Variants in RAD54L2 observed in about 807,000 individuals in gnomAD.
RAD54L2 encodes helicase ARIP4.
Under a neutral mutation model 138.4 loss-of-function variants are expected in RAD54L2, and 27 were observed. The observed-to-expected ratio is 0.20, with a 90% CI of 0.14 to 0.27. The LOEUF (loss-of-function observed/expected upper bound fraction) is 0.27. Ranked by LOEUF, RAD54L2 falls within the 10% of genes least tolerant of loss-of-function variation. The pLI is 1.00. For missense variants in RAD54L2, 1,396 were observed against 1,890.2 expected, an observed-to-expected ratio of 0.74 and a Z score of 4.85; for synonymous variants, 644 against 723.2, an observed-to-expected ratio of 0.89 and a Z score of 1.76.
rs1383445768 is a variant in RAD54L2 at position 51,629,488 on chromosome 3, T to A, written c.481+15T>A. The A allele has an allele frequency of 1.2e-6, 2 of 1,610,968 alleles. No homozygotes were observed. The highest frequency in any genetic ancestry group is 1.7e-6 in the Non-Finnish European group (2 of 1,178,792). Reference sequence around the variant, plus strand: ...GTTCCTCCCTGGTAAGCAGTGGACATGGCAGGGAAGGCCCTTTGCTTCAGG... The same window carrying A: ...GTTCCTCCCTGGTAAGCAGTGGACAAGGCAGGGAAGGCCCTTTGCTTCAGG... On this transcript the variant is annotated intron_variant, in intron 5 of 22. Coordinates refer to ENST00000684192, the MANE Select transcript of RAD54L2 (RefSeq NM_015106.4).
intron 2 of RAD54L2, among the ~76,000 whole-genome samples, chr3:51,580,882 A>C (rs371847095): frequency 2.0e-4 from 30 of 152,282 alleles, no homozygotes; most frequent in East Asian, 1.9e-3. Flanking sequence ...TAACCATCCA[A>C]ATGCAATAAT....
chr3:51,591,882 T>C (rs137858253), intron 3 of RAD54L2, among the ~76,000 whole-genome samples: 27 of 152,234 alleles, frequency 1.8e-4, no homozygotes, highest in African/African-American at 5.8e-4. Context: ...ATACACACTA[T>C]CTTCCCTGTT....
In RAD54L2 at chr3:51,638,493, A is replaced by G. The variant is rs1701046222; in HGVS notation, c.1860+172A>G. ...CCAAGGAGAGAGGTGATGGTTTTGT[A>G]CCACATAACTCCTGGGGGTGCCATT... On this transcript the variant is annotated intron_variant, in intron 12 of 22. Transcript: ENST00000684192. This position sits in a 1 kb window ranked among gnomAD's most constrained non-coding sequence, Gnocchi z 4.3. 1.4e-6 allele frequency: 1 copy of G among 711,068 alleles called. No individual in the cohort carries two copies. Among genetic ancestry groups the G allele is most frequent in the Non-Finnish European group, 2.3e-6 (1 of 438,236 alleles). 44.0% of individuals were successfully genotyped at this position (711,068 alleles called of 1,614,324 possible). A position where few individuals can be genotyped will look rare whatever the true frequency, so the allele number is the denominator to read the frequency against.
intron 2 of RAD54L2, among the ~76,000 whole-genome samples, chr3:51,569,457 T>C (rs1699288205): frequency 6.6e-6 from 1 of 151,796 alleles, no homozygotes; most frequent in Admixed American, 6.6e-5. Flanking sequence ...GATCTCAGCT[T>C]ACTGCAGCCT....
chr3:51,570,976 C>T (rs575439198), intron 2 of RAD54L2, among the ~76,000 whole-genome samples: 3 of 152,084 alleles, frequency 2.0e-5, no homozygotes, highest in South Asian at 2.1e-4. Context: ...TGCCTGCCAC[C>T]GTGCCTGGCT....
chr3:51,546,378 C>T (rs1422272037), intron 2 of RAD54L2, among the ~76,000 whole-genome samples: 2 of 152,072 alleles, frequency 1.3e-5, no homozygotes, highest in East Asian at 3.9e-4. Flanking sequence ...CTGTGGCTCA[C>T]GCCTGTAATC....
At chr3:51,584,844 T>C (rs1018847987) in intron 2 of RAD54L2, among the ~76,000 whole-genome samples, 2 of 152,004 alleles carry the variant, frequency 1.3e-5, no homozygotes, top group Admixed American at 1.3e-4. Context: ...CTGGCTCTGT[T>C]ACCTAGGCTG....
chr3:51,608,537 G>GT (rs1700256436), intron 3 of RAD54L2, among the ~76,000 whole-genome samples: 1 of 152,176 alleles, frequency 6.6e-6, no homozygotes, highest in Non-Finnish European at 1.5e-5. Context: ...CCTGGGCAAC[G>GT]TTGAGCACTG....
rs919751868 is a variant in RAD54L2, at chr3:51,662,703, T to C, written c.3687T>C (p.His1229=). The change falls in exon 23 of 23, where the codon CAT becomes CAC. Residue 1229 remains histidine (H), a synonymous_variant. Transcript: ENST00000684192. The surrounding 1 kb of genome is among the most constrained non-coding windows in gnomAD (Gnocchi z 4.6). ...ALGTEPRLGG[H]CLNSSLLVTG... is the part of the protein sequence containing the mutation. The stretch of plus-strand genomic sequence containing the variant: ...GAACTGAGCCTCGACTAGGGGGTCA[T>C]TGCCTCAATAGTTCCCTCTTGGTGA... The C allele has an allele frequency of 1.2e-6, 2 of 1,613,832 alleles. No individual in the cohort carries two copies. Among genetic ancestry groups the C allele is most frequent in the Admixed American group, 1.7e-5 (1 of 59,990 alleles).
intron 2 of RAD54L2, among the ~76,000 whole-genome samples, chr3:51,568,551 A>T (rs1407040018): frequency 6.6e-6 from 1 of 152,190 alleles, no homozygotes; most frequent in Non-Finnish European, 1.5e-5. Context: ...TCAACTAGAT[A>T]GTCTGAGACA....
At chr3:51,618,084 G>A (rs1326601864) in intron 3 of RAD54L2, among the ~76,000 whole-genome samples, 1 of 151,088 alleles carries the variant, frequency 6.6e-6, no homozygotes, top group Non-Finnish European at 1.5e-5. Context: ...TCATCCTCCG[G>A]AGTAGCTGGG....
intron 2 of RAD54L2, among the ~76,000 whole-genome samples, chr3:51,545,497 T>A (rs1553672087): frequency 6.6e-6 from 1 of 152,142 alleles, no homozygotes; most frequent in Non-Finnish European, 1.5e-5. Context: ...GCCACCCTCC[T>A]GGATCTTGGT....
At chr3:51,653,663 C>G (rs906745649) in intron 19 of RAD54L2, among the ~76,000 whole-genome samples, 1 of 152,120 alleles carries the variant, frequency 6.6e-6, no homozygotes, top group Non-Finnish European at 1.5e-5. Flanking sequence ...CCACCATTCT[C>G]AGCAAACTAT....
In RAD54L2 at chr3:51,590,400, C is replaced by T; in HGVS notation, c.-21C>T. The T allele has an allele frequency of 6.6e-7, 1 of 1,511,320 alleles. No homozygotes were observed. 93.6% of individuals were successfully genotyped at this position (1,511,320 alleles called of 1,614,324 possible). On this transcript the variant is annotated 5_prime_UTR_variant, in exon 3 of 23. Coordinates refer to ENST00000684192, the MANE Select transcript of RAD54L2 (RefSeq NM_015106.4). ...CAGTGGACCATGAGTCGGTAATGCCCACTGAGGACCTCTGGGAGCCATGTC... is the reference window on the plus strand; with the variant it reads ...CAGTGGACCATGAGTCGGTAATGCCTACTGAGGACCTCTGGGAGCCATGTC...
chr3:51,560,597 T>C (rs1577388674), intron 2 of RAD54L2, among the ~76,000 whole-genome samples: 1 of 152,096 alleles, frequency 6.6e-6, no homozygotes, highest in Admixed American at 6.6e-5. Flanking sequence ...GACCTCATGA[T>C]CCACCTGCCT....
At chr3:51,648,484 A>G (rs543874027) in intron 19 of RAD54L2, among the ~76,000 whole-genome samples, 1 of 152,352 alleles carries the variant, frequency 6.6e-6, no homozygotes, top group South Asian at 2.1e-4. Flanking sequence ...GAGAATGGAC[A>G]GTCTGCCTCC....
chr3:51,545,579 AT>A (rs1306549349), intron 2 of RAD54L2, among the ~76,000 whole-genome samples: 2 of 150,920 alleles, frequency 1.3e-5, no homozygotes, highest in African/African-American at 4.9e-5. Context: ...TAAATTTTTA[AT>A]TTTTTTTTGT....
chr3:51,634,847 T>C (rs1559645550), intron 9 of RAD54L2, among the ~76,000 whole-genome samples: 11 of 152,246 alleles, frequency 7.2e-5, no homozygotes, highest in Admixed American at 6.5e-4. Context: ...ATGTATGCCA[T>C]AAAGTCAACC....
intron 3 of RAD54L2, among the ~76,000 whole-genome samples, chr3:51,599,900 G>C (rs1700044922): frequency 6.6e-6 from 1 of 151,992 alleles, no homozygotes; most frequent in Non-Finnish European, 1.5e-5. Flanking sequence ...TTACAGGCAT[G>C]AGCTACTGTG....
Sources: gnomAD v4.1 joint callset for allele counts (sites outside exome capture counted in the v4.1 genomes callset) on GRCh38, gnomAD v4.1.1 for gene constraint, Gnocchi (gnomAD v3.1) non-coding constraint, MANE v1.5 for transcripts, NCBI Gene and HGNC (gene_info 2026-07-23, HGNC 2026-07-21) for gene names.